Variants in FAXDC2 observed in about 807,000 individuals in gnomAD.
FAXDC2 encodes fatty acid hydroxylase domain containing 2, also known as fatty acid hydroxylase domain-containing protein 2.
In FAXDC2, 41 loss-of-function variants were observed where a neutral mutation model predicts 40.9. That is an observed-to-expected ratio of 1.00 (90% CI 0.78 to 1.30). The LOEUF (loss-of-function observed/expected upper bound fraction) is 1.30, where lower values mean the gene tolerates loss of function less well. FAXDC2 is among the 50% of genes most tolerant of loss of function. The pLI is 0.00. For missense variants in FAXDC2, 390 were observed against 408.8 expected (o/e 0.95, Z 0.40); for synonymous variants, 157 against 149.3 (o/e 1.05, Z -0.38).
At chr5:154,828,084 A>G (rs1029451396) in intron 5 of FAXDC2, among the ~76,000 whole-genome samples, 23 of 151,866 alleles carry the variant, frequency 1.5e-4, no homozygotes, top group African/African-American at 5.3e-4. Context: ...TCCTGGGCTC[A>G]AGTGATCCTC....
At chr5:154,828,439 G>A (rs997562157) in intron 5 of FAXDC2, among the ~76,000 whole-genome samples, 5 of 152,102 alleles carry the variant, frequency 3.3e-5, no homozygotes, top group Admixed American at 6.6e-5. Flanking sequence ...CCATTTCCTG[G>A]ATGTAGTACA....
chr5:154,831,743 GT>G (rs1205892351), intron 4 of FAXDC2, among the ~76,000 whole-genome samples: 1 of 152,138 alleles, frequency 6.6e-6, no homozygotes, highest in Non-Finnish European at 1.5e-5. Context: ...AGTAGGATTG[GT>G]ACAAACCTTC....
intron 4 of FAXDC2, among the ~76,000 whole-genome samples, chr5:154,831,779 A>T (rs1760199031): frequency 6.6e-6 from 1 of 152,154 alleles, no homozygotes; most frequent in African/African-American, 2.4e-5. Flanking sequence ...GCAGTAACTG[A>T]AGTAATAAAG....
At chr5:154,849,144 G>A (rs1760674879) in intron 1 of FAXDC2, among the ~76,000 whole-genome samples, 1 of 151,980 alleles carries the variant, frequency 6.6e-6, no homozygotes. Context: ...GCTGGGTGTG[G>A]TGGCGGGCAC....
intron 1 of FAXDC2, among the ~76,000 whole-genome samples, 168 bp downstream of exon 1, chr5:154,850,315 T>C (rs1384712986): frequency 2.6e-5 from 4 of 152,250 alleles, no homozygotes; most frequent in African/African-American, 9.6e-5. Flanking sequence ...GGACAAATTC[T>C]AACCCTGCCA....
intron 2 of FAXDC2, among the ~76,000 whole-genome samples, chr5:154,836,485 G>A (rs938430958): frequency 1.3e-5 from 2 of 152,116 alleles, no homozygotes; most frequent in African/African-American, 4.8e-5. Flanking sequence ...CTCATATCCC[G>A]TTTCTAAACT....
intron 5 of FAXDC2, 46 bp from the exon 6 acceptor site, chr5:154,823,638 TA>T: frequency 6.6e-7 from 1 of 1,509,046 alleles, no homozygotes; most frequent in South Asian, 1.1e-5. Context: ...GTGTGAGAAG[TA>T]GGCTCCACCG....
intron 2 of FAXDC2, among the ~76,000 whole-genome samples, chr5:154,837,032 C>A (rs1490706055): frequency 6.6e-6 from 1 of 152,080 alleles, no homozygotes; most frequent in Admixed American, 6.6e-5. Flanking sequence ...TTTTAATTCA[C>A]CCCTTCTAAG....
intron 2 of FAXDC2, among the ~76,000 whole-genome samples, chr5:154,835,883 C>CTTTTTTTTTTTTT (rs869068025): frequency 6.3e-5 from 3 of 47,842 alleles, no homozygotes; most frequent in Admixed American, 3.0e-4. Context: ...GCCCGGCCGA[C>CTTTTTTTTTTTTT]TTTTTTTTTT....
At chr5:154,846,075 TACAA>T (rs1760592640) in intron 1 of FAXDC2, among the ~76,000 whole-genome samples, 2 of 152,030 alleles carry the variant, frequency 1.3e-5, no homozygotes, top group African/African-American at 4.8e-5. Context: ...GTGCTGGGAT[TACAA>T]GCGTGAGCCA....
Position 154,821,435 on chromosome 5 carries a change from G to C in FAXDC2, c.679-9C>G. ...GGTAGCATGTTGGAGACCTGCAAGAGGAGGGATGATTGAAGGCAGGGTCCA... is the reference window on the plus strand; with the variant it reads ...GGTAGCATGTTGGAGACCTGCAAGACGAGGGATGATTGAAGGCAGGGTCCA... On this transcript the variant is annotated splice_polypyrimidine_tract_variant and intron_variant, in intron 7 of 8. Coordinates refer to ENST00000326080, the MANE Select transcript of FAXDC2 (RefSeq NM_032385.5). 1 of 1,609,238 alleles carries C rather than the reference G, an allele frequency of 6.2e-7. No homozygotes were observed. Among genetic ancestry groups the C allele is most frequent in the Non-Finnish European group, 8.5e-7 (1 of 1,177,970 alleles).
chr5:154,822,794 G>A (rs1759923765), intron 6 of FAXDC2, among the ~76,000 whole-genome samples: 1 of 152,140 alleles, frequency 6.6e-6, no homozygotes, highest in Admixed American at 6.5e-5. Context: ...GCTGTAAAAT[G>A]GGATGCTGCC....
chr5:154,821,251 G>T lies in FAXDC2; in HGVS notation c.845+9C>A, dbSNP rs770270682. ...GCCTAGGGACCCATTGTGGGGAGAA[G>T]GTCCTTACTTGAGATGGTGGTAGTC... On this transcript the variant is annotated intron_variant, in intron 8 of 8. Transcript: ENST00000326080. 6.2e-7 allele frequency: 1 copy of T among 1,610,018 alleles called. No individual in the cohort carries two copies. The highest frequency in any genetic ancestry group is 8.5e-7 in the Non-Finnish European group (1 of 1,177,872).
At chr5:154,828,904 C>T (rs975060376) in intron 5 of FAXDC2, among the ~76,000 whole-genome samples, 9 of 141,340 alleles carry the variant, frequency 6.4e-5, no homozygotes, top group Admixed American at 5.1e-4. Flanking sequence ...CCCCAGCCTG[C>T]GTAAATTTTC....
intron 6 of FAXDC2, among the ~76,000 whole-genome samples, chr5:154,822,831 T>G (rs554636248): frequency 1.3e-5 from 2 of 152,258 alleles, no homozygotes; most frequent in South Asian, 4.1e-4. Flanking sequence ...AGGAAATGAA[T>G]GGGAAACTGC....
chr5:154,825,252 T>C (rs1759997584), intron 5 of FAXDC2, among the ~76,000 whole-genome samples: 1 of 151,738 alleles, frequency 6.6e-6, no homozygotes, highest in South Asian at 2.1e-4. Flanking sequence ...TAGTCCCAGC[T>C]ACTCGGGAGG....
intron 1 of FAXDC2, among the ~76,000 whole-genome samples, chr5:154,841,074 C>A (rs1196464580): frequency 6.6e-6 from 1 of 152,172 alleles, no homozygotes. Flanking sequence ...CAGGGAGACA[C>A]TGTCTGACTT....
At chr5:154,842,455 C>T (rs1213789928) in intron 1 of FAXDC2, among the ~76,000 whole-genome samples, 5 of 148,676 alleles carry the variant, frequency 3.4e-5, no homozygotes, top group Non-Finnish European at 7.4e-5. Context: ...CCACCCGCCT[C>T]GACCTCCCAA....
chr5:154,844,480 A>G (rs1160838279), intron 1 of FAXDC2, among the ~76,000 whole-genome samples: 1 of 152,100 alleles, frequency 6.6e-6, no homozygotes, highest in Non-Finnish European at 1.5e-5. Context: ...GCCTCTCTGG[A>G]AGAAGTGGTA....
Sources: allele counts gnomAD v4.1 joint callset (sites outside exome capture counted in the v4.1 genomes callset), GRCh38; gene constraint gnomAD v4.1.1; transcripts MANE v1.5; gene names NCBI Gene and HGNC (gene_info 2026-07-23, HGNC 2026-07-21).